NAALADL2: variants seen among roughly 807,000 people sequenced by gnomAD.
The protein encoded by NAALADL2 is N-acetylated alpha-linked acidic dipeptidase like 2.
NAALADL2 carries 76 observed loss-of-function variants against 87.2 expected under a neutral mutation model. That is an observed-to-expected ratio of 0.87 (90% confidence interval 0.72 to 1.05). NAALADL2 has a LOEUF of 1.05. Ranked by LOEUF, NAALADL2 falls within the 50% of genes least tolerant of loss-of-function variation. NAALADL2 has a pLI of 0.00. For synonymous variants in NAALADL2, 354 were observed against 331.0 expected (o/e 1.07, Z -0.75); for missense variants, 1,089 against 945.8 (o/e 1.15, Z -1.99).
chr3:174,568,534 G>C (rs745680317), intron 2 of NAALADL2, among the ~76,000 whole-genome samples: 17 of 151,866 alleles, frequency 1.1e-4, no homozygotes, highest in Admixed American at 2.6e-4. Context: ...AACTGGGAAA[G>C]GGCTGTAAGA....
chr3:175,037,605 A>G (rs1279710577), intron 1 of NAALADL2, among the ~76,000 whole-genome samples: 1 of 152,044 alleles, frequency 6.6e-6, no homozygotes. Flanking sequence ...CCCTATCTGG[A>G]TTCCACAGTC....
rs142822589 is a variant in NAALADL2 at position 175,653,921 on chromosome 3, A to G, written c.1896+26535A>G. On this transcript the variant is annotated intron_variant, in intron 11 of 13. Transcript: ENST00000454872. ...CATGGGGTTCTGGGTGACCAGACACATTGTACAATATCAAAAGAACTTTAA... is the reference window on the plus strand; with the variant it reads ...CATGGGGTTCTGGGTGACCAGACACGTTGTACAATATCAAAAGAACTTTAA... Among the ~76,000 whole-genome samples, 730 of 152,358 alleles carry G rather than the reference A, an allele frequency of 4.8e-3. 6 individuals are homozygous for G. The highest frequency in any genetic ancestry group is 0.017 in the African/African-American group (695 of 41,574).
intron 1 of NAALADL2, among the ~76,000 whole-genome samples, chr3:174,986,256 A>G (rs1344269139): frequency 7.0e-6 from 1 of 143,642 alleles, no homozygotes; most frequent in Non-Finnish European, 1.5e-5. Context: ...TATTCAATAT[A>G]TATACACAAT....
chr3:175,354,152 A>G (rs2148885874), intron 5 of NAALADL2, among the ~76,000 whole-genome samples: 1 of 152,324 alleles, frequency 6.6e-6, no homozygotes. Context: ...TTAATTTTAA[A>G]GAAAGTTATC....
chr3:175,359,914 C>T (rs1445868294), intron 5 of NAALADL2, among the ~76,000 whole-genome samples: 1 of 152,112 alleles, frequency 6.6e-6, no homozygotes, highest in African/African-American at 2.4e-5. Context: ...ACTCTCCAGC[C>T]AGTCCCCTAA....
chr3:175,648,105 T>C (rs912737962), intron 11 of NAALADL2, among the ~76,000 whole-genome samples: 2 of 152,200 alleles, frequency 1.3e-5, no homozygotes, highest in African/African-American at 4.8e-5. Context: ...TTGCTTTAGG[T>C]ATGTTTCTGA....
At chr3:175,709,215 T>A (rs143165428) in intron 11 of NAALADL2, among the ~76,000 whole-genome samples, 16 of 152,216 alleles carry the variant, frequency 1.1e-4, no homozygotes, top group African/African-American at 3.6e-4. Flanking sequence ...ATAATTCAAA[T>A]TTGGAATATT....
rs192707200 is a variant in NAALADL2 at position 175,019,255 on chromosome 3, A to G, written c.44-77535A>G. ...ACTTGTTTCATCTACAGCTCAGCAC[A>G]GTGTCTGCCTATACCTGGTAAGCCC... On this transcript the variant is annotated intron_variant, in intron 1 of 13. Transcript: ENST00000454872. Among the ~76,000 whole-genome samples, 10 of 152,196 alleles carry G rather than the reference A, an allele frequency of 6.6e-5. No individual in the cohort carries two copies. The East Asian group carries it at 1.9e-3, about 29-fold the overall frequency.
At chr3:175,698,926 C>G (rs997616103) in intron 11 of NAALADL2, among the ~76,000 whole-genome samples, 1 of 151,908 alleles carries the variant, frequency 6.6e-6, no homozygotes, top group Non-Finnish European at 1.5e-5. Flanking sequence ...ACACATAAAA[C>G]TATCTAGCAC....
chr3:174,483,600 A>G (rs1350465395), intron 1 of NAALADL2, among the ~76,000 whole-genome samples: 5 of 152,088 alleles, frequency 3.3e-5, no homozygotes, highest in Admixed American at 2.0e-4. Flanking sequence ...ATATAAAATC[A>G]CAAAAGTAAG....
intron 1 of NAALADL2, among the ~76,000 whole-genome samples, chr3:175,051,615 G>C (rs1459802255): frequency 1.3e-5 from 2 of 152,180 alleles, no homozygotes; most frequent in Non-Finnish European, 2.9e-5. Context: ...CAGAGGTTTA[G>C]ATAACATAAT....
At chr3:175,130,741 T>C (rs1221608194) in intron 2 of NAALADL2, among the ~76,000 whole-genome samples, 2 of 152,214 alleles carry the variant, frequency 1.3e-5, no homozygotes, top group Non-Finnish European at 2.9e-5. Flanking sequence ...TATTTGTGGG[T>C]TCTATTCTGT....
At chr3:174,925,285 A>C (rs932651989) in intron 1 of NAALADL2, among the ~76,000 whole-genome samples, 1 of 152,184 alleles carries the variant, frequency 6.6e-6, no homozygotes, top group Non-Finnish European at 1.5e-5. Flanking sequence ...AGCTTTCTAC[A>C]TATGGCTAGC....
chr3:174,570,252 A>AT (rs956892387), intron 2 of NAALADL2, among the ~76,000 whole-genome samples: 20 of 146,692 alleles, frequency 1.4e-4, no homozygotes, highest in East Asian at 6.0e-4. Context: ...GGTCTCATTT[A>AT]TTTTTTTTTT....
chr3:174,599,859 T>C (rs1405835564), intron 2 of NAALADL2, among the ~76,000 whole-genome samples: 1 of 152,110 alleles, frequency 6.6e-6, no homozygotes, highest in Admixed American at 6.6e-5. Flanking sequence ...TAGTGCTCAA[T>C]TTTTAGGCAG....
rs1450749078 is a variant in NAALADL2 at position 174,586,767 on chromosome 3, C to T, written c.-115+36130C>T. Reference sequence around the variant, plus strand: ...GTTTCTGCCATATAGGGTCATTTCTCAAGGTATGCTTATGTTATTGCTGTG... The same window carrying T: ...GTTTCTGCCATATAGGGTCATTTCTTAAGGTATGCTTATGTTATTGCTGTG... On this transcript the variant is annotated intron_variant, in intron 2 of 3. Coordinates refer to the NAALADL2 transcript ENST00000434257. Among the ~76,000 whole-genome samples, 3 of 152,106 alleles carry T rather than the reference C, an allele frequency of 2.0e-5. No homozygotes were observed. In the East Asian group the frequency reaches 5.8e-4, roughly 29 times the overall value.
At chr3:175,190,674 G>C (rs6798124) in intron 2 of NAALADL2, among the ~76,000 whole-genome samples, 56,640 of 151,990 alleles carry the variant, frequency 0.37, 11,762 homozygotes, top group East Asian at 0.53. Context: ...GTGGGTCAGA[G>C]GATGAAAAGT....
intron 2 of NAALADL2, among the ~76,000 whole-genome samples, chr3:174,632,364 A>G (rs1020561275): frequency 5.9e-5 from 9 of 152,230 alleles, no homozygotes; most frequent in African/African-American, 9.6e-5. Flanking sequence ...TAAAATAGTC[A>G]TGCCCTCACG....
chr3:175,559,873 A>G (rs1175088956), intron 9 of NAALADL2, among the ~76,000 whole-genome samples: 2 of 152,236 alleles, frequency 1.3e-5, no homozygotes, highest in Non-Finnish European at 2.9e-5. Context: ...AATATTCATC[A>G]GTAATACTGG....
Sources: allele counts gnomAD v4.1 joint callset (sites outside exome capture counted in the v4.1 genomes callset), GRCh38; gene constraint gnomAD v4.1.1; transcripts MANE v1.5; gene names NCBI Gene and HGNC (gene_info 2026-07-23, HGNC 2026-07-21).